GRAMD1B: variants seen among roughly 807,000 people sequenced by gnomAD.
GRAMD1B encodes the protein GRAM domain containing 1B.
A neutral mutation model predicts 99.7 loss-of-function variants in GRAMD1B; 37 were observed. The observed-to-expected ratio is 0.37, with a 90% CI of 0.29 to 0.49. The LOEUF (loss-of-function observed/expected upper bound fraction) is 0.49. GRAMD1B is among the 20% of genes least tolerant of loss of function. GRAMD1B has a pLI of 0.98. For missense variants in GRAMD1B, 888 were observed against 1,009.2 expected (o/e 0.88, Z 1.63); for synonymous variants, 427 against 387.6 (o/e 1.10, Z -1.19).
chr11:123,461,959 G>GTTTA (rs1287341998), intron 1 of GRAMD1B, among the ~76,000 whole-genome samples: 1 of 137,720 alleles, frequency 7.3e-6, no homozygotes, highest in African/African-American at 2.7e-5. Context: ...ATGGTCATTT[G>GTTTA]TTTATTTCTT....
chr11:123,581,028 C>T (rs1249135283), intron 3 of GRAMD1B, among the ~76,000 whole-genome samples: 2 of 151,912 alleles, frequency 1.3e-5, no homozygotes, highest in Non-Finnish European at 2.9e-5. Context: ...TAGTCCCTGC[C>T]CCCCTACCTC....
chr11:123,532,812 A>G (rs977659973), intron 2 of GRAMD1B, among the ~76,000 whole-genome samples: 2 of 152,238 alleles, frequency 1.3e-5, no homozygotes, highest in South Asian at 2.1e-4. Context: ...CAATTTGTTT[A>G]TATGTTACCA....
intron 2 of GRAMD1B, among the ~76,000 whole-genome samples, chr11:123,507,774 A>C (rs1315501072): frequency 6.6e-6 from 1 of 152,140 alleles, no homozygotes; most frequent in Non-Finnish European, 1.5e-5. Flanking sequence ...TCTTCAGTTT[A>C]AAAAAAGGCC....
chr11:123,403,967 A>G (rs1453563935), intron 1 of GRAMD1B, among the ~76,000 whole-genome samples: 2 of 152,148 alleles, frequency 1.3e-5, no homozygotes, highest in Non-Finnish European at 2.9e-5. Context: ...AGTTCACCTT[A>G]CGTGTCTTTC....
chr11:123,572,851 C>G (rs559089909), intron 2 of GRAMD1B, among the ~76,000 whole-genome samples: 10 of 148,988 alleles, frequency 6.7e-5, no homozygotes, highest in Admixed American at 6.7e-4. Context: ...GCCCCGATGG[C>G]TGGGGCAGGG....
chr11:123,421,001 C>T (rs1401927902), intron 1 of GRAMD1B, among the ~76,000 whole-genome samples: 1 of 152,188 alleles, frequency 6.6e-6, no homozygotes, highest in African/African-American at 2.4e-5. Flanking sequence ...TCATGTGGTT[C>T]AGGTCCTAGG....
chr11:123,370,134 G>A (rs1946473597), intron 1 of GRAMD1B, among the ~76,000 whole-genome samples: 1 of 151,716 alleles, frequency 6.6e-6, no homozygotes, highest in African/African-American at 2.4e-5. Context: ...GGCCAACATG[G>A]TGAAACCCTG....
intron 2 of GRAMD1B, among the ~76,000 whole-genome samples, chr11:123,545,044 G>T (rs376016054): frequency 9.2e-5 from 14 of 152,100 alleles, no homozygotes; most frequent in African/African-American, 3.1e-4. Context: ...GGCTGTCTTT[G>T]GTCACATACC....
At chr11:123,470,582 C>T (rs944067597) in intron 1 of GRAMD1B, among the ~76,000 whole-genome samples, 23 of 148,076 alleles carry the variant, frequency 1.6e-4, no homozygotes, top group Admixed American at 1.4e-4. Flanking sequence ...GGCACGATCT[C>T]GGCTTACTGC....
chr11:123,458,063 A>G (rs1331634994), intron 1 of GRAMD1B, among the ~76,000 whole-genome samples: 3 of 152,186 alleles, frequency 2.0e-5, no homozygotes, highest in Admixed American at 6.5e-5. Flanking sequence ...TGACTCCACG[A>G]TAAGTGCGTA....
chr11:123,528,691 T>C (rs201822579), intron 2 of GRAMD1B, among the ~76,000 whole-genome samples: 2 of 148,724 alleles, frequency 1.3e-5, no homozygotes, highest in Non-Finnish European at 3.0e-5. Flanking sequence ...AGACACCGGC[T>C]TTTTTTTTTA....
intron 2 of GRAMD1B, among the ~76,000 whole-genome samples, chr11:123,528,873 A>C (rs1015208123): frequency 4.6e-5 from 7 of 152,308 alleles, no homozygotes; most frequent in East Asian, 1.9e-4. Flanking sequence ...GATTAAATTA[A>C]TGCAACTAGT....
At chr11:123,397,136 TC>T (rs1353910909) in intron 1 of GRAMD1B, among the ~76,000 whole-genome samples, 1 of 151,996 alleles carries the variant, frequency 6.6e-6, no homozygotes, top group Non-Finnish European at 1.5e-5. Context: ...AGGTGTGGTG[TC>T]CCCCGCCTGT....
intron 2 of GRAMD1B, among the ~76,000 whole-genome samples, chr11:123,572,548 T>A (rs894078090): frequency 2.0e-5 from 3 of 152,168 alleles, no homozygotes; most frequent in African/African-American, 7.2e-5. Context: ...GAGTTAGAAC[T>A]AGAACTGCAA....
At chr11:123,437,676 T>G (rs906933750) in intron 1 of GRAMD1B, among the ~76,000 whole-genome samples, 1 of 152,236 alleles carries the variant, frequency 6.6e-6, no homozygotes, top group Non-Finnish European at 1.5e-5. Context: ...CCACTGGTAG[T>G]GCCGCTCACT....
chr11:123,462,848 C>T (rs905081572), intron 1 of GRAMD1B, among the ~76,000 whole-genome samples: 3 of 142,662 alleles, frequency 2.1e-5, no homozygotes, highest in African/African-American at 7.9e-5. Context: ...GCCAAATCCC[C>T]CTCTGTGAGA....
At chr11:123,461,021 TA>T (rs924437366) in intron 1 of GRAMD1B, among the ~76,000 whole-genome samples, 35 of 152,324 alleles carry the variant, frequency 2.3e-4, no homozygotes, top group African/African-American at 8.2e-4. Context: ...TTTGGCTTTT[TA>T]AGAGGTTTGG....
At chr11:123,419,706 TG>T (rs1948357635) in intron 1 of GRAMD1B, among the ~76,000 whole-genome samples, 1 of 45,172 alleles carries the variant, frequency 2.2e-5, no homozygotes, top group African/African-American at 1.8e-4. Context: ...TAAGTGTGTG[TG>T]TGTGTGTGTG....
chr11:123,450,015 A>G (rs1591562265), intron 1 of GRAMD1B, among the ~76,000 whole-genome samples: 11 of 151,912 alleles, frequency 7.2e-5, no homozygotes, highest in African/African-American at 2.7e-4. Flanking sequence ...GAGTCACCAC[A>G]CCTGAACCAG....
Sources: allele counts gnomAD v4.1 joint callset (sites outside exome capture counted in the v4.1 genomes callset), GRCh38; gene constraint gnomAD v4.1.1; transcripts MANE v1.5; gene names NCBI Gene and HGNC (gene_info 2026-07-23, HGNC 2026-07-21).